The following EPHA6 variants were observed in gnomAD, a reference collection of about 807,000 sequenced individuals.
EPHA6 encodes ephrin type-A receptor 6.
A neutral mutation model predicts 112.0 loss-of-function variants in EPHA6; 50 were observed. The observed-to-expected ratio is 0.45, with a 90% CI of 0.36 to 0.56. EPHA6 has a LOEUF of 0.56. Ranked by LOEUF, EPHA6 falls within the 20% of genes least tolerant of loss-of-function variation. The pLI is 0.00. For missense variants in EPHA6, 1,280 were observed against 1,417.4 expected (o/e 0.90, Z 1.56); for synonymous variants, 529 against 490.7 (o/e 1.08, Z -1.03).
intron 2 of EPHA6, among the ~76,000 whole-genome samples, chr3:96,955,880 A>G (rs2041737378): frequency 6.6e-6 from 1 of 152,238 alleles, no homozygotes. Context: ...AGGAACAAAT[A>G]CAAACTATGT....
chr3:97,329,057 A>T (rs999437607), intron 5 of EPHA6, among the ~76,000 whole-genome samples: 2 of 152,104 alleles, frequency 1.3e-5, no homozygotes, highest in African/African-American at 4.8e-5. Flanking sequence ...ATGAGTGACA[A>T]CATGCGGTGT....
chr3:97,342,056 A>T (rs149702743), intron 5 of EPHA6, among the ~76,000 whole-genome samples: 1 of 152,304 alleles, frequency 6.6e-6, no homozygotes, highest in Non-Finnish European at 1.5e-5. Context: ...TATAGAGAGA[A>T]ACAGACAAAG....
chr3:97,720,412 T>C lies in EPHA6; in HGVS notation c.2934+2T>C. 1 of 1,592,820 alleles carries C rather than the reference T, an allele frequency of 6.3e-7. No homozygotes were observed. The highest frequency in any genetic ancestry group is 8.5e-7 in the Non-Finnish European group (1 of 1,171,662). On this transcript the variant is annotated splice_donor_variant, in intron 15 of 17. Coordinates refer to ENST00000389672, the MANE Select transcript of EPHA6 (RefSeq NM_001080448.3). LOFTEE classifies it high-confidence loss of function. ...TATTGGGAAATGTCTAACCAAGATG[T>C]AAGTGCTACCGATAGTTAAACTGCC...
chr3:97,452,118 A>T (rs530193595), intron 7 of EPHA6, among the ~76,000 whole-genome samples: 197 of 152,036 alleles, frequency 1.3e-3, no homozygotes, highest in Non-Finnish European at 1.5e-3. Flanking sequence ...TTGTGCTATA[A>T]ACATAGTGGC....
At chr3:97,733,236 G>A (rs1373685337) in intron 15 of EPHA6, among the ~76,000 whole-genome samples, 1 of 152,048 alleles carries the variant, frequency 6.6e-6, no homozygotes, top group Non-Finnish European at 1.5e-5. Context: ...CTGTGGACAG[G>A]AGGCAGAAGC....
At chr3:97,545,636 C>G (rs931724833) in intron 11 of EPHA6, among the ~76,000 whole-genome samples, 3 of 152,044 alleles carry the variant, frequency 2.0e-5, no homozygotes, top group African/African-American at 7.3e-5. Context: ...CTTTCTGTCT[C>G]GTTTATCTGT....
At chr3:96,969,015 A>G (rs1397639609) in intron 2 of EPHA6, among the ~76,000 whole-genome samples, 1 of 151,886 alleles carries the variant, frequency 6.6e-6, no homozygotes, top group Non-Finnish European at 1.5e-5. Flanking sequence ...CACTCTGGGT[A>G]ATTAATAATT....
Position 97,328,054 on chromosome 3 carries a change from C to CACACAT in EPHA6, c.1607-77095_1607-77094insCACATA, listed in dbSNP as rs372533674. 3.5e-3 allele frequency among the ~76,000 whole-genome samples: 419 copies of CACACAT among 120,876 alleles called. 22 individuals carry two copies. The highest frequency in any genetic ancestry group is 0.015 in the African/African-American group (397 of 25,936). The allele number at this position is 120,876 out of a possible 152,430, so 79.3% of individuals were successfully genotyped here. A position where few individuals can be genotyped will look rare whatever the true frequency, so the allele number is the denominator to read the frequency against. On this transcript the variant is annotated intron_variant, in intron 5 of 17. Coordinates refer to ENST00000389672, the MANE Select transcript of EPHA6 (RefSeq NM_001080448.3). The stretch of plus-strand genomic sequence containing the variant: ...GTGTATATATACACACATATATACA[C>CACACAT]ATATATATATATATATATATATATA...
intron 1 of EPHA6, among the ~76,000 whole-genome samples, chr3:96,838,740 A>G (rs545334034): frequency 1.3e-5 from 2 of 152,250 alleles, no homozygotes; most frequent in Admixed American, 1.3e-4. Flanking sequence ...TTATACAGTG[A>G]TCATACCCTA....
chr3:97,277,103 G>C (rs533677202), intron 5 of EPHA6, among the ~76,000 whole-genome samples: 4 of 152,168 alleles, frequency 2.6e-5, no homozygotes, highest in Non-Finnish European at 5.9e-5. Flanking sequence ...GTGACGCTTG[G>C]GGTTGGAACT....
intron 14 of EPHA6, among the ~76,000 whole-genome samples, chr3:97,638,974 T>G (rs1418639007): frequency 6.6e-6 from 1 of 152,154 alleles, no homozygotes; most frequent in Non-Finnish European, 1.5e-5. Context: ...TATTTCATGC[T>G]CTATGAGTTT....
intron 7 of EPHA6, among the ~76,000 whole-genome samples, chr3:97,460,783 C>T (rs527990484): frequency 1.3e-5 from 2 of 152,264 alleles, no homozygotes; most frequent in African/African-American, 4.8e-5. Context: ...TCCTTGGGGT[C>T]CGCTGAGGTC....
chr3:96,925,831 T>G (rs2040008868), intron 2 of EPHA6, among the ~76,000 whole-genome samples: 1 of 151,924 alleles, frequency 6.6e-6, no homozygotes, highest in South Asian at 2.1e-4. Flanking sequence ...GTCTCAAACT[T>G]CCGACCTCAG....
chr3:97,565,744 C>T (rs533089251), intron 11 of EPHA6, among the ~76,000 whole-genome samples: 4 of 152,058 alleles, frequency 2.6e-5, no homozygotes, highest in Admixed American at 1.3e-4. Context: ...TTAGGCCGGG[C>T]GTGGTGGCTC....
chr3:97,136,398 A>C (rs1410269121), intron 3 of EPHA6, among the ~76,000 whole-genome samples: 1 of 152,176 alleles, frequency 6.6e-6, no homozygotes, highest in African/African-American at 2.4e-5. Context: ...TATGTTAAAC[A>C]GTGTATTAGA....
chr3:97,276,897 TG>T, intron 5 of EPHA6, among the ~76,000 whole-genome samples: 1 of 152,196 alleles, frequency 6.6e-6, no homozygotes, highest in South Asian at 2.1e-4. Context: ...CACCAATTGC[TG>T]GGCAGGTGGG....
rs549823602 is a variant in EPHA6, at chr3:97,084,509, A to G, written c.1114+96516A>G. 1.6e-3 allele frequency among the ~76,000 whole-genome samples: 251 copies of G among 152,174 alleles called. 1 individual carries two copies. The highest frequency in any genetic ancestry group is 6.8e-3 in the Middle Eastern group (2 of 294). ...TCTTTCTCACTGGGCGAAACGCAAC[A>G]ACAGGCAAAACTTTAACTTTATCCA... is the stretch of plus-strand genomic sequence containing the variant. On this transcript the variant is annotated intron_variant, in intron 3 of 17. Coordinates refer to ENST00000389672, the MANE Select transcript of EPHA6 (RefSeq NM_001080448.3).
chr3:96,838,441 T>C (rs1357192326), intron 1 of EPHA6, among the ~76,000 whole-genome samples: 1 of 152,116 alleles, frequency 6.6e-6, no homozygotes, highest in Non-Finnish European at 1.5e-5. Context: ...GGTTGAATAG[T>C]ATTTCTGCCT....
chr3:97,622,747 C>T (rs899537583), intron 13 of EPHA6, among the ~76,000 whole-genome samples: 1 of 151,740 alleles, frequency 6.6e-6, no homozygotes, highest in Non-Finnish European at 1.5e-5. Context: ...CTCACTAACA[C>T]ATGTTATTTT....
Sources: gnomAD v4.1 joint callset for allele counts (sites outside exome capture counted in the v4.1 genomes callset) on GRCh38, gnomAD v4.1.1 for gene constraint, MANE v1.5 for transcripts, NCBI Gene and HGNC (gene_info 2026-07-23, HGNC 2026-07-21) for gene names.